The following STK38L variants were observed in gnomAD, a reference collection of about 807,000 sequenced individuals.
STK38L encodes the protein serine/threonine-protein kinase 38-like.
Under a neutral mutation model 59.7 loss-of-function variants are expected in STK38L, and 28 were observed. That is an observed-to-expected ratio of 0.47 (90% confidence interval 0.35 to 0.64). The LOEUF is 0.64. STK38L is among the 30% of genes least tolerant of loss of function. The pLI is 0.01. For missense variants in STK38L, 314 were observed against 555.8 expected (o/e 0.56, Z 4.37); for synonymous variants, 162 against 176.8 (o/e 0.92, Z 0.66).
chr12:27,311,591 A>C (rs12581569), intron 5 of STK38L, among the ~76,000 whole-genome samples: 6,122 of 152,272 alleles, frequency 0.04, 411 homozygotes, highest in East Asian at 0.33. Flanking sequence ...CCAGTTTATA[A>C]AATTTTCCAG....
chr12:27,288,009 A>C (rs1394723771), intron 1 of STK38L, among the ~76,000 whole-genome samples: 1 of 152,154 alleles, frequency 6.6e-6, no homozygotes, highest in African/African-American at 2.4e-5. Context: ...CAGTCTCCCG[A>C]GTAGCTGGGA....
intron 1 of STK38L, among the ~76,000 whole-genome samples, chr12:27,273,396 A>G (rs568299271): frequency 5.8e-4 from 88 of 152,210 alleles, no homozygotes; most frequent in Non-Finnish European, 2.9e-5. Flanking sequence ...ATGAGTGTTG[A>G]CAGGCTTGTT....
At chr12:27,322,035 G>C in intron 12 of STK38L, 108 bp from the exon 13 acceptor site, 1 of 943,240 alleles carries the variant, frequency 1.1e-6, no homozygotes, top group Non-Finnish European at 1.5e-6. Context: ...AATTTCCTTG[G>C]ATTTTCTAGT....
At chr12:27,262,020 TG>T (rs1241025396) in intron 1 of STK38L, among the ~76,000 whole-genome samples, 6 of 152,258 alleles carry the variant, frequency 3.9e-5, no homozygotes, top group Admixed American at 3.9e-4. Context: ...AGCAGATCTC[TG>T]GGTAAACATT....
intron 1 of STK38L, among the ~76,000 whole-genome samples, chr12:27,273,004 C>T (rs924328713): frequency 6.7e-6 from 1 of 150,262 alleles, no homozygotes; most frequent in South Asian, 2.1e-4. Context: ...ATTTTCTAAA[C>T]TAGTTCCTTT....
chr12:27,274,039 G>C (rs1943480039), intron 1 of STK38L, among the ~76,000 whole-genome samples: 1 of 151,972 alleles, frequency 6.6e-6, no homozygotes, highest in African/African-American at 2.4e-5. Flanking sequence ...CGGATCACAA[G>C]GTCAAGAGAT....
intron 1 of STK38L, among the ~76,000 whole-genome samples, chr12:27,269,063 G>T (rs539714812): frequency 1.3e-5 from 2 of 152,158 alleles, no homozygotes; most frequent in African/African-American, 4.8e-5. Flanking sequence ...TTCCCATTCT[G>T]TAGGTTGCCT....
At chr12:27,260,554 C>T (rs60011698) in intron 1 of STK38L, among the ~76,000 whole-genome samples, 6,559 of 152,224 alleles carry the variant, frequency 0.043, 516 homozygotes, top group East Asian at 0.39. Flanking sequence ...CCCTCACTCT[C>T]TCTGTGCCGT....
chr12:27,280,270 T>C (rs1305282217), intron 1 of STK38L, among the ~76,000 whole-genome samples: 1 of 152,210 alleles, frequency 6.6e-6, no homozygotes. Context: ...ATAAGAACTT[T>C]TGATTATGCA....
At chr12:27,305,857 C>T (rs529323336) in intron 3 of STK38L, among the ~76,000 whole-genome samples, 2 of 152,292 alleles carry the variant, frequency 1.3e-5, no homozygotes, top group Admixed American at 1.3e-4. Flanking sequence ...AAGCTGTCCA[C>T]AGATTTTTAT....
chr12:27,254,778 G>T (rs1943054320), intron 1 of STK38L, among the ~76,000 whole-genome samples: 1 of 152,130 alleles, frequency 6.6e-6, no homozygotes, highest in African/African-American at 2.4e-5. Context: ...GCGGGCTTGT[G>T]GGGTGGTAGG....
In STK38L at chr12:27,268,119, A is replaced by AT. The variant is rs752465643; in HGVS notation, c.-12+23796dup. ...GCTTATTTTTCATTCTGTGATGCTA[A>AT]TTTTTTTTTAATTATCCTGTAAGTT... On this transcript the variant is annotated intron_variant, in intron 1 of 13. Transcript: ENST00000389032. 6.6e-5 allele frequency among the ~76,000 whole-genome samples: 10 copies of AT among 151,506 alleles called. No individual in the cohort carries two copies. In the East Asian group the frequency reaches 1.2e-3, roughly 18 times the overall value.
chr12:27,301,539 C>T (rs536844778), intron 2 of STK38L, among the ~76,000 whole-genome samples: 95 of 152,258 alleles, frequency 6.2e-4, no homozygotes, highest in Non-Finnish European at 1.2e-3. Flanking sequence ...GGATTACAGG[C>T]GTGAGCCACC....
chr12:27,319,287 T>C (rs754790060), intron 11 of STK38L, 41 bp from the exon 12 acceptor site: 26 of 1,325,226 alleles, frequency 2.0e-5, no homozygotes, highest in Non-Finnish European at 2.7e-5. Flanking sequence ...ATACTTTAGA[T>C]GTAACTTGTG....
At chr12:27,288,612 A>G (rs1943830518) in intron 1 of STK38L, among the ~76,000 whole-genome samples, 5 of 152,048 alleles carry the variant, frequency 3.3e-5, no homozygotes. Flanking sequence ...CATGCTCTCC[A>G]AAAGTTTCCC....
chr12:27,309,311 A>C, intron 5 of STK38L, 114 bp downstream of exon 5: 1 of 565,542 alleles, frequency 1.8e-6, no homozygotes. Context: ...ATAAGCTATT[A>C]ATTTTTTGGT....
chr12:27,293,046 G>A (rs1158485996), intron 1 of STK38L, among the ~76,000 whole-genome samples: 1 of 152,146 alleles, frequency 6.6e-6, no homozygotes, highest in Non-Finnish European at 1.5e-5. Context: ...TGAACTCCCA[G>A]GCTCAGATGA....
chr12:27,303,501 C>T (rs1050750268), intron 3 of STK38L, among the ~76,000 whole-genome samples: 13 of 152,174 alleles, frequency 8.5e-5, no homozygotes, highest in Non-Finnish European at 1.5e-4. Flanking sequence ...GACACTGTAA[C>T]ATCTTGTTGA....
chr12:27,318,933 G>C (rs1944656227), intron 11 of STK38L, among the ~76,000 whole-genome samples: 2 of 152,206 alleles, frequency 1.3e-5, no homozygotes, highest in South Asian at 4.1e-4. Flanking sequence ...GGAGCTTGCA[G>C]TGAGCTGAGA....
Sources: allele counts gnomAD v4.1 joint callset (sites outside exome capture counted in the v4.1 genomes callset), GRCh38; gene constraint gnomAD v4.1.1; transcripts MANE v1.5; gene names NCBI Gene and HGNC (gene_info 2026-07-23, HGNC 2026-07-21).